ADAMTS9: variants seen among roughly 807,000 people sequenced by gnomAD.
The protein encoded by ADAMTS9 is ADAM metallopeptidase with thrombospondin type 1 motif 9.
ADAMTS9 carries 107 observed loss-of-function variants against 257.1 expected under a neutral mutation model. The observed-to-expected ratio is 0.42, with a 90% CI of 0.36 to 0.49. The LOEUF (loss-of-function observed/expected upper bound fraction) is 0.49, where lower values mean the gene tolerates loss of function less well. ADAMTS9 is among the 20% of genes least tolerant of loss of function. ADAMTS9 has a pLI of 0.03. For synonymous variants in ADAMTS9, 982 were observed against 880.9 expected (o/e 1.11, Z -2.03); for missense variants, 2,353 against 2,469.1 (o/e 0.95, Z 1.00).
chr3:64,659,618 C>T (rs1701177182), intron 3 of ADAMTS9, among the ~76,000 whole-genome samples: 1 of 152,002 alleles, frequency 6.6e-6, no homozygotes, highest in African/African-American at 2.4e-5. Flanking sequence ...TATTTTATTA[C>T]ATTATTAGAT....
intron 14 of ADAMTS9, 40 bp from the exon 15 acceptor site, chr3:64,631,965 T>C (rs765544916): frequency 1.4e-5 from 20 of 1,453,448 alleles, no homozygotes; most frequent in South Asian, 1.3e-4. Flanking sequence ...GTAAGCATTA[T>C]AGAGATTATA....
chr3:64,533,705 T>C (rs2083011261), intron 37 of ADAMTS9, among the ~76,000 whole-genome samples: 1 of 152,210 alleles, frequency 6.6e-6, no homozygotes, highest in South Asian at 2.1e-4. Flanking sequence ...CCAAGCTTCC[T>C]GGGCTTCCAG....
At chr3:64,656,205 C>T in intron 4 of ADAMTS9, among the ~76,000 whole-genome samples, 1 of 152,188 alleles carries the variant, frequency 6.6e-6, no homozygotes, top group East Asian at 1.9e-4. Flanking sequence ...GGATTGCCAA[C>T]TTATAGAATC....
chr3:64,621,119 G>A lies in ADAMTS9; in HGVS notation c.2808C>T (p.Asp936=), dbSNP rs1347590796. ...HITEPCGTDC[D]LRWHVASRSE... is the part of the protein sequence containing the mutation. ...TTGAGAAAACAGTGGCCCACCTCAG[G>A]TCACAGTCTGTACCACAGGGTTCAG... Residue 936 remains aspartate (D), a synonymous_variant, in exon 19 of 40, where the codon GAC becomes GAT. Coordinates refer to ENST00000498707, the MANE Select transcript of ADAMTS9 (RefSeq NM_182920.2). 6.2e-7 allele frequency: 1 copy of A among 1,610,166 alleles called. No homozygotes were observed. The highest frequency in any genetic ancestry group is 8.5e-7 in the Non-Finnish European group (1 of 1,178,606).
At chr3:64,532,272 C>T (rs1339394285) in intron 38 of ADAMTS9, among the ~76,000 whole-genome samples, 1 of 152,162 alleles carries the variant, frequency 6.6e-6, no homozygotes, top group East Asian at 1.9e-4. Flanking sequence ...GCTAGCCTAC[C>T]TTAAATGTAT....
At chr3:64,667,509 G>A (rs2107002395) in intron 3 of ADAMTS9, among the ~76,000 whole-genome samples, 1 of 152,284 alleles carries the variant, frequency 6.6e-6, no homozygotes, top group Non-Finnish European at 1.5e-5. Context: ...CAACTGAGAA[G>A]CTTCTTGGCT....
At chr3:64,546,608 C>A in intron 32 of ADAMTS9, 150 bp downstream of exon 32, 1 of 749,602 alleles carries the variant, frequency 1.3e-6, no homozygotes. Flanking sequence ...AAAGAAGTCC[C>A]TTTGATCCCT....
At chr3:64,670,589 C>G (rs1478536481) in intron 3 of ADAMTS9, among the ~76,000 whole-genome samples, 1 of 152,146 alleles carries the variant, frequency 6.6e-6, no homozygotes, top group Non-Finnish European at 1.5e-5. Context: ...AGACAAGCCA[C>G]AATCTGGGAG....
At chr3:64,631,611 G>A in intron 15 of ADAMTS9, 61 bp from the exon 16 acceptor site, 2 of 1,435,276 alleles carry the variant, frequency 1.4e-6, no homozygotes, top group African/African-American at 2.8e-5. Flanking sequence ...TCTAAGTATG[G>A]AATAAAAAGT....
intron 37 of ADAMTS9, among the ~76,000 whole-genome samples, chr3:64,533,833 G>C (rs1311556189): frequency 6.6e-6 from 1 of 152,144 alleles, no homozygotes; most frequent in East Asian, 1.9e-4. Flanking sequence ...AGACCACCTG[G>C]GCCTGGAGGA....
intron 31 of ADAMTS9, among the ~76,000 whole-genome samples, chr3:64,548,804 T>G (rs1180331919): frequency 6.6e-6 from 1 of 152,274 alleles, no homozygotes; most frequent in African/African-American, 2.4e-5. Context: ...AGACTCTGCA[T>G]GCCTTGGTGT....
At chr3:64,572,454 T>C (rs1323867390) in intron 28 of ADAMTS9, among the ~76,000 whole-genome samples, 2 of 152,152 alleles carry the variant, frequency 1.3e-5, no homozygotes, top group Non-Finnish European at 2.9e-5. Flanking sequence ...ATGGGTTTGG[T>C]GTGCTGTCTC....
At chr3:64,613,905 G>A (rs868068570) in intron 21 of ADAMTS9, among the ~76,000 whole-genome samples, 1 of 152,150 alleles carries the variant, frequency 6.6e-6, no homozygotes, top group Non-Finnish European at 1.5e-5. Context: ...GAGAATTAGT[G>A]TCTACTGCAA....
chr3:64,658,450 C>T lies in ADAMTS9; in HGVS notation c.969+52G>A, dbSNP rs905595311. ...AAAGCACTGAGTGGAAACCCATTCC[C>T]CAATGGCACATTTAGAGACCTCATA... On this transcript the variant is annotated intron_variant, in intron 4 of 39. Transcript: ENST00000498707. The T allele has an allele frequency of 4.8e-5, 75 of 1,551,908 alleles. No homozygotes were observed. The Admixed American group carries it at 1.3e-3, about 26-fold the overall frequency.
At position 64,594,459 on chromosome 3, in the gene ADAMTS9, C is replaced by A. The variant is rs145372130; in HGVS notation, c.4180-25G>T. On this transcript the variant is annotated intron_variant, in intron 27 of 39. Coordinates refer to ENST00000498707, the MANE Select transcript of ADAMTS9 (RefSeq NM_182920.2). Reference sequence around the variant, plus strand: ...ACTGGAAGAAGGAAAAGGAAGGCTGCAGTTATTTTGTCTGAAAGGCCAATG... The same window carrying A: ...ACTGGAAGAAGGAAAAGGAAGGCTGAAGTTATTTTGTCTGAAAGGCCAATG... The A allele has an allele frequency of 7.4e-3, 11,769 of 1,600,964 alleles. 1,370 individuals carry two copies. The Admixed American group carries it at 0.19, about 26-fold the overall frequency.
chr3:64,580,996 T>C (rs1278534308), intron 28 of ADAMTS9, among the ~76,000 whole-genome samples: 1 of 152,202 alleles, frequency 6.6e-6, no homozygotes, highest in Non-Finnish European at 1.5e-5. Flanking sequence ...GTATAATTAT[T>C]GGGAACCTTT....
chr3:64,679,463 T>G (rs748777486), intron 3 of ADAMTS9, among the ~76,000 whole-genome samples: 1 of 152,204 alleles, frequency 6.6e-6, no homozygotes, highest in Admixed American at 6.5e-5. Flanking sequence ...AACTACCTCA[T>G]AGGTTTGTGA....
At chr3:64,629,455 C>T (rs1700312251) in intron 16 of ADAMTS9, among the ~76,000 whole-genome samples, 1 of 152,194 alleles carries the variant, frequency 6.6e-6, no homozygotes, top group Non-Finnish European at 1.5e-5. Flanking sequence ...AGCCATACTG[C>T]CTCCGTCTTC....
intron 12 of ADAMTS9, among the ~76,000 whole-genome samples, chr3:64,636,929 T>A (rs528138516): frequency 1.3e-5 from 2 of 152,314 alleles, no homozygotes; most frequent in East Asian, 3.9e-4. Flanking sequence ...CGTTCCAAAT[T>A]CTGTCACTGA....
Sources: gnomAD v4.1 joint callset for allele counts (sites outside exome capture counted in the v4.1 genomes callset) on GRCh38, gnomAD v4.1.1 for gene constraint, MANE v1.5 for transcripts, NCBI Gene and HGNC (gene_info 2026-07-23, HGNC 2026-07-21) for gene names.